The following GALNT13 variants were observed in gnomAD, a reference collection of about 807,000 sequenced individuals.
The protein encoded by GALNT13 is UDP-GalNAc:polypeptide N-acetylgalactosaminyltransferase 13.
GALNT13 carries 28 observed loss-of-function variants against 64.2 expected under a neutral mutation model. The observed-to-expected ratio is 0.44, with a 90% CI of 0.32 to 0.60. The LOEUF is 0.60. Among genes scored for constraint, GALNT13 ranks in the 20% least tolerant of loss-of-function variants. The pLI is 0.05. For synonymous variants in GALNT13, 214 were observed against 224.6 expected (o/e 0.95, Z 0.42); for missense variants, 577 against 669.8 (o/e 0.86, Z 1.53).
intron 3 of GALNT13, among the ~76,000 whole-genome samples, chr2:154,089,812 CTTTTT>C (rs58287232): frequency 7.1e-6 from 1 of 140,988 alleles, no homozygotes. Context: ...AGATATTACC[CTTTTT>C]TTTTTTTTTT....
chr2:154,314,970 A>C (rs1055713099), intron 9 of GALNT13, among the ~76,000 whole-genome samples: 10 of 152,180 alleles, frequency 6.6e-5, no homozygotes, highest in Admixed American at 3.9e-4. Context: ...TTGAGTTCAC[A>C]TCTGGAATGA....
intron 7 of GALNT13, among the ~76,000 whole-genome samples, chr2:154,254,584 A>G (rs532408238): frequency 5.3e-5 from 8 of 151,178 alleles, no homozygotes; most frequent in Admixed American, 4.0e-4. Flanking sequence ...AATACTTCAG[A>G]AAAAAAAAGA....
intron 1 of GALNT13, among the ~76,000 whole-genome samples, chr2:153,894,733 T>C (rs1257639631): frequency 6.6e-6 from 1 of 152,160 alleles, no homozygotes; most frequent in African/African-American, 2.4e-5. Context: ...ACAGCCAACA[T>C]GTCTGAGAGA....
chr2:153,440,707 A>T, the GALNT13 span, among the ~76,000 whole-genome samples: 2 of 151,962 alleles, frequency 1.3e-5, no homozygotes, highest in Non-Finnish European at 2.9e-5. Flanking sequence ...ACCAGTGATG[A>T]TATGCTTTTT....
At chr2:154,311,956 C>G (rs1023086554) in intron 9 of GALNT13, among the ~76,000 whole-genome samples, 1 of 152,190 alleles carries the variant, frequency 6.6e-6, no homozygotes, top group Non-Finnish European at 1.5e-5. Flanking sequence ...TTGCTGTTAT[C>G]CTGTTCTTTT....
the GALNT13 span, among the ~76,000 whole-genome samples, chr2:153,353,411 T>C: frequency 6.6e-6 from 1 of 152,168 alleles, no homozygotes; most frequent in South Asian, 2.1e-4. Flanking sequence ...CACAATTTAA[T>C]TTCCTCCTTT....
intron 3 of GALNT13, among the ~76,000 whole-genome samples, chr2:154,014,831 C>T (rs1696897565): frequency 1.3e-5 from 2 of 151,576 alleles, no homozygotes. Context: ...CGGGGTTTCA[C>T]TGTGTTAGCC....
chr2:153,631,774 G>A, the GALNT13 span, among the ~76,000 whole-genome samples: 1 of 152,072 alleles, frequency 6.6e-6, no homozygotes, highest in African/African-American at 2.4e-5. Context: ...TCACTCTGAT[G>A]GTAGTTTCTT....
At chr2:153,841,591 G>A in the GALNT13 span, among the ~76,000 whole-genome samples, 7 of 152,040 alleles carry the variant, frequency 4.6e-5, no homozygotes, top group Admixed American at 3.9e-4. Flanking sequence ...GTCAAACCAG[G>A]ATTTGAGCAC....
At chr2:154,085,175 C>G (rs1180711386) in intron 3 of GALNT13, among the ~76,000 whole-genome samples, 1 of 151,884 alleles carries the variant, frequency 6.6e-6, no homozygotes, top group Admixed American at 6.6e-5. Flanking sequence ...TAAAAACACT[C>G]TAATTGAAGA....
chr2:153,999,140 C>A (rs1695724623), intron 3 of GALNT13, among the ~76,000 whole-genome samples: 1 of 152,116 alleles, frequency 6.6e-6, no homozygotes, highest in East Asian at 1.9e-4. Context: ...TGCCACTTGA[C>A]TTCAAACTAT....
At chr2:153,327,462 T>G in the GALNT13 span, among the ~76,000 whole-genome samples, 1 of 152,020 alleles carries the variant, frequency 6.6e-6, no homozygotes, top group Non-Finnish European at 1.5e-5. Flanking sequence ...TTCACATAGT[T>G]TCATAATTTT....
the GALNT13 span, among the ~76,000 whole-genome samples, chr2:153,294,956 TGAAGA>T: frequency 5.3e-5 from 8 of 152,188 alleles, no homozygotes; most frequent in Non-Finnish European, 1.2e-4. Context: ...TATTGGACTG[TGAAGA>T]GAAAAGTGAT....
At chr2:153,571,540 A>C in the GALNT13 span, among the ~76,000 whole-genome samples, 7 of 152,064 alleles carry the variant, frequency 4.6e-5, no homozygotes, top group Non-Finnish European at 8.8e-5. Flanking sequence ...ATTAGAGGAA[A>C]GGCTTTCAGG....
chr2:153,291,744 G>GAA, the GALNT13 span, among the ~76,000 whole-genome samples: 1,297 of 134,762 alleles, frequency 9.6e-3, 15 homozygotes, highest in East Asian at 0.037. Flanking sequence ...TGTTCAAAAG[G>GAA]AAAAAAAAAA....
chr2:154,124,398 G>A (rs1682135083), intron 3 of GALNT13, among the ~76,000 whole-genome samples: 1 of 151,984 alleles, frequency 6.6e-6, no homozygotes, highest in African/African-American at 2.4e-5. Context: ...AATGTTTGCT[G>A]TTTTATATTT....
chr2:153,691,788 A>G, the GALNT13 span, among the ~76,000 whole-genome samples: 3 of 152,176 alleles, frequency 2.0e-5, no homozygotes, highest in Non-Finnish European at 4.4e-5. Context: ...TACTGGTGGT[A>G]TTGAAAATTG....
At chr2:153,902,595 T>A (rs573045887) in intron 2 of GALNT13, among the ~76,000 whole-genome samples, 1 of 151,988 alleles carries the variant, frequency 6.6e-6, no homozygotes, top group Non-Finnish European at 1.5e-5. Context: ...TTTTTAAGCA[T>A]TTGTAGAGGG....
chr2:153,834,053 T>C, the GALNT13 span, among the ~76,000 whole-genome samples: 1 of 152,154 alleles, frequency 6.6e-6, no homozygotes, highest in Non-Finnish European at 1.5e-5. Context: ...ATTTTGTTTT[T>C]ATCATATTAA....
Sources: allele counts gnomAD v4.1 joint callset (sites outside exome capture counted in the v4.1 genomes callset), GRCh38; gene constraint gnomAD v4.1.1; transcripts MANE v1.5; gene names NCBI Gene and HGNC (gene_info 2026-07-23, HGNC 2026-07-21).